ZNF32: variants seen among roughly 807,000 people sequenced by gnomAD.
The protein encoded by ZNF32 is C2H2-546.
ZNF32 carries 13 observed loss-of-function variants against 24.4 expected under a neutral mutation model. The ratio of observed to expected loss-of-function variants is 0.53; its 90% CI spans 0.35 to 0.85. ZNF32 has a LOEUF of 0.85. ZNF32 is among the 40% of genes least tolerant of loss of function. The probability of loss-of-function intolerance (pLI) is 0.01; values close to 1 mark genes in which losing one functional copy is unlikely to be tolerated. For missense variants in ZNF32, 239 were observed against 325.3 expected (o/e 0.73, Z 2.04); for synonymous variants, 115 against 117.4 (o/e 0.98, Z 0.13).
chr10:43,648,847 G>GCAGCGC lies in ZNF32; in HGVS notation c.-121_-116dup, dbSNP rs1461713998. The GCAGCGC allele has an allele frequency of 2.0e-5, 3 of 152,018 alleles. No individual in the cohort carries two copies. Among genetic ancestry groups the GCAGCGC allele is most frequent in the East Asian group, 2.0e-4 (1 of 5,106 alleles). 9.4% of individuals were successfully genotyped at this position (152,018 alleles called of 1,614,324 possible). ...GACAAAGGCCGGCGCCGAGCCCGCA[G>GCAGCGC]CAGCGCCAGCGCCGGCGCCGGCGGA... On this transcript the variant is annotated 5_prime_UTR_variant, in exon 1 of 3. Transcript: ENST00000374433.
intron 2 of ZNF32, chr10:43,645,850 C>A: frequency 9.6e-7 from 1 of 1,044,182 alleles, no homozygotes; most frequent in Non-Finnish European, 1.3e-6. Flanking sequence ...TCAGAGACTA[C>A]TTCAACGCTA....
intron 1 of ZNF32, among the ~76,000 whole-genome samples, chr10:43,648,270 A>C (rs544999218): frequency 2.0e-5 from 3 of 152,202 alleles, no homozygotes; most frequent in Non-Finnish European, 2.9e-5. Context: ...TGGAGGGCGG[A>C]TGAGAAGAGG....
chr10:43,644,878 T>A lies in ZNF32; in HGVS notation c.71-77A>T, dbSNP rs74341213. 0.027 allele frequency: 39,160 copies of A among 1,466,576 alleles called. 1,088 individuals carry two copies. Among genetic ancestry groups the A allele is most frequent in the East Asian group, 0.14 (6,101 of 43,612 alleles). The allele number at this position is 1,466,576 out of a possible 1,614,324, so 90.8% of individuals were successfully genotyped here. On this transcript the variant is annotated intron_variant, in intron 2 of 2. Transcript: ENST00000374433. This position sits in a 1 kb window ranked among gnomAD's most constrained non-coding sequence, Gnocchi z 5.3. ...GAATAGGGAAAAAGAAACATAATAC[T>A]TTGAGTGCTTATGATGTGCCAGGCC...
intron 1 of ZNF32, 159 bp from the exon 2 acceptor site, chr10:43,646,361 A>C: frequency 9.7e-6 from 5 of 516,074 alleles, no homozygotes; most frequent in African/African-American, 1.9e-5. Context: ...AATGGGCCCA[A>C]AGGTACCAGG....
chr10:43,644,497 C>T lies in ZNF32; in HGVS notation c.375G>A (p.Arg125=). The T allele has an allele frequency of 6.2e-7, 1 of 1,614,190 alleles. No individual in the cohort carries two copies. The highest frequency in any genetic ancestry group is 8.5e-7 in the Non-Finnish European group (1 of 1,180,038). Reference sequence around the variant, plus strand: ...GATAAGGCTTCTCTCCCGTGTGTATCCGTTGATGTGTAACAAGATTGCCTT... The same window carrying T: ...GATAAGGCTTCTCTCCCGTGTGTATTCGTTGATGTGTAACAAGATTGCCTT... ...RAKGNLVTHQ[R]IHTGEKPYQC... Residue 125 remains arginine, a synonymous_variant, in exon 3 of 3, where the codon CGG becomes CGA. Transcript: ENST00000374433. The surrounding 1 kb of genome is among the most constrained non-coding windows in gnomAD (Gnocchi z 5.3).
chr10:43,646,752 C>T (rs1839306651), intron 1 of ZNF32, among the ~76,000 whole-genome samples: 1 of 152,188 alleles, frequency 6.6e-6, no homozygotes. Flanking sequence ...CCAGTTCTGA[C>T]CAAGTGTAAA....
At chr10:43,645,961 A>T in intron 2 of ZNF32, 103 bp downstream of exon 2, 1 of 1,543,164 alleles carries the variant, frequency 6.5e-7, no homozygotes, top group Non-Finnish European at 8.7e-7. Context: ...GCTCTACCAA[A>T]GCAAGGTCTC....
In ZNF32 at chr10:43,644,236, T is replaced by C. The variant is rs570445976; in HGVS notation, c.636A>G (p.Thr212=). 60 of 1,614,276 alleles carry C rather than the reference T, an allele frequency of 3.7e-5. 3 individuals carry two copies. In the South Asian group the frequency reaches 6.3e-4, roughly 17 times the overall value. The change falls in exon 3 of 3, where the codon ACA becomes ACG. Residue 212 remains threonine (T), a synonymous_variant. Coordinates refer to ENST00000374433, the MANE Select transcript of ZNF32 (RefSeq NM_006973.3). This position sits in a 1 kb window ranked among gnomAD's most constrained non-coding sequence, Gnocchi z 5.3. ...GSLIVHIRVH[T]GLKPYACTQC... ...GGGTACAGGCATAGGGCTTCAGGCC[T>C]GTGTGGACTCTGATGTGAACAATTA...
intron 1 of ZNF32, among the ~76,000 whole-genome samples, chr10:43,648,191 A>G (rs1228990878): frequency 1.3e-5 from 2 of 152,170 alleles, no homozygotes; most frequent in African/African-American, 4.8e-5. Context: ...GACAATGAGA[A>G]GGAAAGAACC....
chr10:43,645,552 T>C (rs1441485668), intron 2 of ZNF32, among the ~76,000 whole-genome samples: 2 of 152,252 alleles, frequency 1.3e-5, no homozygotes, highest in African/African-American at 2.4e-5. Context: ...ATGGCAATTA[T>C]AGAATCTGAT....
chr10:43,646,326 G>A, intron 1 of ZNF32, 124 bp from the exon 2 acceptor site: 1 of 624,454 alleles, frequency 1.6e-6, no homozygotes, highest in Non-Finnish European at 2.7e-6. Context: ...TTGACATAAT[G>A]TCAGTTACTA....
In ZNF32 at chr10:43,644,521, T is replaced by C. The variant is rs371811927; in HGVS notation, c.351A>G (p.Lys117=). Residue 117 remains lysine (K), a synonymous_variant, in exon 3 of 3, where the codon AAA becomes AAG. Coordinates refer to ENST00000374433, the MANE Select transcript of ZNF32 (RefSeq NM_006973.3). The surrounding 1 kb of genome is among the most constrained non-coding windows in gnomAD (Gnocchi z 5.3). ...TCCGTTGATGTGTAACAAGATTGCC[T>C]TTGGCCCTGAAGCTTTTTCCACAGT... ...CTHCGKSFRA[K]GNLVTHQRIH... 1.5e-5 allele frequency: 24 copies of C among 1,614,190 alleles called. No homozygotes were observed. The highest frequency in any genetic ancestry group is 2.0e-5 in the Non-Finnish European group (24 of 1,180,028).
Position 43,644,179 on chromosome 10 carries a change from AT to A in ZNF32, c.692del (p.Asn231IlefsTer54). Reference protein sequence around the residue: ...QCRKSFHTRGNCILHGKIHTG... With the variant: ...QCRKSFHTRGXCILHGKIHTG... ...TGTGGATTTTGCCATGCAGAATACA[AT>A]TCCCCCTGGTGTGGAAACTCTTCCT... is the stretch of plus-strand genomic sequence containing the variant. On this transcript the variant is annotated frameshift_variant, in exon 3 of 3. Coordinates refer to ENST00000374433, the MANE Select transcript of ZNF32 (RefSeq NM_006973.3). LOFTEE classifies it high-confidence loss of function. This position sits in a 1 kb window ranked among gnomAD's most constrained non-coding sequence, Gnocchi z 5.3. The A allele has an allele frequency of 6.2e-7, 1 of 1,614,202 alleles. No individual in the cohort carries two copies. Among genetic ancestry groups the A allele is most frequent in the Non-Finnish European group, 8.5e-7 (1 of 1,180,032 alleles).
intron 2 of ZNF32, among the ~76,000 whole-genome samples, chr10:43,645,489 G>A (rs928352564): frequency 5.9e-5 from 9 of 152,168 alleles, no homozygotes; most frequent in South Asian, 2.1e-4. Flanking sequence ...TTTTACAGAC[G>A]AACCTGGAGC....
chr10:43,646,184 A>G lies in ZNF32; in HGVS notation c.-51T>C. Reference sequence around the variant, plus strand: ...CACCACCTCTTCATATGATTCTTCCATGGGCTGTTCCTGAGCACCTGAGGG... The same window carrying G: ...CACCACCTCTTCATATGATTCTTCCGTGGGCTGTTCCTGAGCACCTGAGGG... On this transcript the variant is annotated 5_prime_UTR_variant, in exon 2 of 3. The change abolishes an upstream ATG in the 5' untranslated region. Coordinates refer to ENST00000374433, the MANE Select transcript of ZNF32 (RefSeq NM_006973.3). 2 of 1,606,622 alleles carry G rather than the reference A, an allele frequency of 1.2e-6. No homozygotes were observed. The highest frequency in any genetic ancestry group is 1.1e-5 in the South Asian group (1 of 90,330).
rs1839270485 is a variant in ZNF32, at chr10:43,645,938, C to G, written c.70+126G>C. ...CAGCTCACAGGCTTTTCTTATAACCCTAGGAACAGCAAGCTCTACCAAAGC... is the reference window on the plus strand; with the variant it reads ...CAGCTCACAGGCTTTTCTTATAACCGTAGGAACAGCAAGCTCTACCAAAGC... On this transcript the variant is annotated intron_variant, in intron 2 of 2. Transcript: ENST00000374433. 4 of 1,491,474 alleles carry G rather than the reference C, an allele frequency of 2.7e-6. No individual in the cohort carries two copies. In the East Asian group the frequency reaches 9.5e-5, roughly 35 times the overall value. 92.4% of individuals were successfully genotyped at this position (1,491,474 alleles called of 1,614,324 possible). A position where few individuals can be genotyped will look rare whatever the true frequency, so the allele number is the denominator to read the frequency against.
chr10:43,646,235 A>G, intron 1 of ZNF32, 33 bp from the exon 2 acceptor site: 1 of 1,312,956 alleles, frequency 7.6e-7, no homozygotes, highest in Non-Finnish European at 1.1e-6. Flanking sequence ...AACAAACAGG[A>G]AAGGGCAGAA....
rs1554817481 is a variant in ZNF32 at position 43,646,174 on chromosome 10, T to A, written c.-41A>T. On this transcript the variant is annotated 5_prime_UTR_variant, in exon 2 of 3. Coordinates refer to ENST00000374433, the MANE Select transcript of ZNF32 (RefSeq NM_006973.3). ...CGACCTCAGTCACCACCTCTTCATATGATTCTTCCATGGGCTGTTCCTGAG... is the reference window on the plus strand; with the variant it reads ...CGACCTCAGTCACCACCTCTTCATAAGATTCTTCCATGGGCTGTTCCTGAG... The A allele has an allele frequency of 7.4e-6, 12 of 1,611,570 alleles. No individual in the cohort carries two copies. In the East Asian group the frequency reaches 2.7e-4, roughly 36 times the overall value.
At position 43,646,035 on chromosome 10, in the gene ZNF32, C is replaced by T. The variant is rs116698198; in HGVS notation, c.70+29G>A. The T allele has an allele frequency of 3.4e-4, 555 of 1,613,170 alleles. 2 individuals carry two copies. The African/African-American group carries it at 6.2e-3, about 18-fold the overall frequency. On this transcript the variant is annotated intron_variant, in intron 2 of 2. Coordinates refer to ENST00000374433, the MANE Select transcript of ZNF32 (RefSeq NM_006973.3). The stretch of plus-strand genomic sequence containing the variant: ...GGACACTGAATATCTGTGAGCTGAG[C>T]GCATCCAGCCATCAACTGACTCACT...
Sources: gnomAD v4.1 joint callset for allele counts (sites outside exome capture counted in the v4.1 genomes callset) on GRCh38, gnomAD v4.1.1 for gene constraint, Gnocchi (gnomAD v3.1) non-coding constraint, MANE v1.5 for transcripts, NCBI Gene and HGNC (gene_info 2026-07-23, HGNC 2026-07-21) for gene names.